Variants in PPP2R2B observed in about 807,000 individuals in gnomAD.
PPP2R2B encodes the protein protein phosphatase 2 regulatory subunit Bbeta.
In PPP2R2B, 5 loss-of-function variants were observed where a neutral mutation model predicts 46.0. The observed-to-expected ratio is 0.11, with a 90% CI of 0.06 to 0.23. PPP2R2B has a LOEUF of 0.23. PPP2R2B is among the 10% of genes least tolerant of loss of function. The probability of loss-of-function intolerance (pLI) is 1.00; values close to 1 mark genes in which losing one functional copy is unlikely to be tolerated. For synonymous variants in PPP2R2B, 215 were observed against 206.7 expected, an observed-to-expected ratio of 1.04 and a Z score of -0.34; for missense variants, 367 against 575.0, an observed-to-expected ratio of 0.64 and a Z score of 3.70.
chr5:147,011,231 T>C (rs1455808287), intron 1 of PPP2R2B, among the ~76,000 whole-genome samples: 2 of 152,086 alleles, frequency 1.3e-5, no homozygotes, highest in South Asian at 2.1e-4. Context: ...TCTCATCTAC[T>C]CCATGTCTTT....
chr5:146,642,720 C>G (rs1357579554), intron 6 of PPP2R2B, among the ~76,000 whole-genome samples: 3 of 152,170 alleles, frequency 2.0e-5, no homozygotes, highest in Non-Finnish European at 4.4e-5. Flanking sequence ...ATGATCAGCA[C>G]AATTTCCACA....
At chr5:146,754,476 C>T (rs1052385367) in intron 2 of PPP2R2B, among the ~76,000 whole-genome samples, 18 of 152,230 alleles carry the variant, frequency 1.2e-4, no homozygotes, top group Non-Finnish European at 2.4e-4. Flanking sequence ...GTGCACTATG[C>T]CATATGTAGT....
chr5:146,825,257 A>G (rs997413245), intron 2 of PPP2R2B, among the ~76,000 whole-genome samples: 2 of 152,164 alleles, frequency 1.3e-5, no homozygotes, highest in African/African-American at 4.8e-5. Context: ...CTGGGAAAGC[A>G]GCTGTTTCTC....
At chr5:147,019,256 G>A (rs1755147788) in intron 1 of PPP2R2B, among the ~76,000 whole-genome samples, 1 of 152,120 alleles carries the variant, frequency 6.6e-6, no homozygotes, top group Non-Finnish European at 1.5e-5. Context: ...GTTCAACAAA[G>A]TTACTCAAAA....
chr5:146,898,455 C>A (rs1371777429), intron 1 of PPP2R2B, among the ~76,000 whole-genome samples: 1 of 151,978 alleles, frequency 6.6e-6, no homozygotes, highest in Non-Finnish European at 1.5e-5. Flanking sequence ...CTTCCTTACA[C>A]CTTATACAAA....
At chr5:146,890,315 G>A (rs539458970) in intron 1 of PPP2R2B, among the ~76,000 whole-genome samples, 2 of 152,230 alleles carry the variant, frequency 1.3e-5, no homozygotes, top group South Asian at 4.1e-4. Context: ...GTCCTCCTGA[G>A]CCACGGCTGT....
At chr5:146,940,172 T>G (rs747425180) in intron 1 of PPP2R2B, among the ~76,000 whole-genome samples, 3 of 152,200 alleles carry the variant, frequency 2.0e-5, no homozygotes, top group African/African-American at 4.8e-5. Flanking sequence ...ATTTTCTTCT[T>G]TCTCTGGATA....
chr5:146,683,841 A>G (rs1778325560), intron 5 of PPP2R2B, among the ~76,000 whole-genome samples: 1 of 152,238 alleles, frequency 6.6e-6, no homozygotes, highest in Non-Finnish European at 1.5e-5. Context: ...ATCAATAATG[A>G]TAACAGAAAT....
chr5:146,878,222 G>C lies in PPP2R2B; in HGVS notation c.-124-27C>G. ...TGAGGAGGAGACGGGGAGGCGGAGA[G>C]AAAAAAAATAAAAACCCGGCAATGG... is the stretch of plus-strand genomic sequence containing the variant. On this transcript the variant is annotated intron_variant, in intron 1 of 9. Coordinates refer to ENST00000394411, the MANE Select transcript of PPP2R2B (RefSeq NM_181675.4). This position sits in a 1 kb window ranked among gnomAD's most constrained non-coding sequence, Gnocchi z 4.5. The C allele has an allele frequency of 6.5e-7, 1 of 1,534,604 alleles. No homozygotes were observed. The highest frequency in any genetic ancestry group is 8.8e-7 in the Non-Finnish European group (1 of 1,141,722).
chr5:146,984,059 A>G (rs1753310689), intron 1 of PPP2R2B, among the ~76,000 whole-genome samples: 1 of 152,218 alleles, frequency 6.6e-6, no homozygotes, highest in Non-Finnish European at 1.5e-5. Context: ...TAACATATCC[A>G]TCCCCTCAAA....
In PPP2R2B at chr5:146,589,682, A is replaced by G; in HGVS notation, c.*265T>C. The G allele has an allele frequency of 2.3e-6, 1 of 430,068 alleles. No homozygotes were observed. Among genetic ancestry groups the G allele is most frequent in the South Asian group, 3.5e-5 (1 of 28,528 alleles). 26.6% of individuals were successfully genotyped at this position (430,068 alleles called of 1,614,324 possible). On this transcript the variant is annotated 3_prime_UTR_variant, in exon 10 of 10. Coordinates refer to ENST00000394411, the MANE Select transcript of PPP2R2B (RefSeq NM_181675.4). ...CCAGAGAAAACTGGGCAATAAAAGCATCAGAAGTTCAAGTCAACTATGGAA... is the reference window on the plus strand; with the variant it reads ...CCAGAGAAAACTGGGCAATAAAAGCGTCAGAAGTTCAAGTCAACTATGGAA...
At chr5:146,977,607 T>C (rs1402600337) in intron 1 of PPP2R2B, among the ~76,000 whole-genome samples, 1 of 152,152 alleles carries the variant, frequency 6.6e-6, no homozygotes, top group African/African-American at 2.4e-5. Context: ...CTCCCACTTA[T>C]GAGTGAGAAC....
intron 5 of PPP2R2B, among the ~76,000 whole-genome samples, chr5:146,664,342 T>A (rs1343631717): frequency 6.6e-6 from 1 of 152,184 alleles, no homozygotes; most frequent in Non-Finnish European, 1.5e-5. Flanking sequence ...ATTGACGTGA[T>A]ATTCTAAATC....
At chr5:146,877,416 G>A (rs935801767) in intron 2 of PPP2R2B, among the ~76,000 whole-genome samples, 6 of 152,078 alleles carry the variant, frequency 3.9e-5, no homozygotes, top group Admixed American at 3.3e-4. Flanking sequence ...AGCCTCATTC[G>A]CTGCCCGCCA....
At chr5:146,804,125 C>G (rs930716790) in intron 2 of PPP2R2B, among the ~76,000 whole-genome samples, 4 of 151,796 alleles carry the variant, frequency 2.6e-5, no homozygotes, top group African/African-American at 9.7e-5. Flanking sequence ...AGAGATCATG[C>G]CACTGCACTC....
intron 1 of PPP2R2B, among the ~76,000 whole-genome samples, chr5:146,930,245 C>T (rs1763923304): frequency 6.6e-6 from 1 of 152,092 alleles, no homozygotes; most frequent in Non-Finnish European, 1.5e-5. Context: ...GCAAGGGTCT[C>T]TCTGGAGGGA....
intron 2 of PPP2R2B, among the ~76,000 whole-genome samples, chr5:146,873,214 A>C (rs1297766920): frequency 6.6e-6 from 1 of 152,190 alleles, no homozygotes; most frequent in African/African-American, 2.4e-5. Context: ...ATAGTAAGTA[A>C]GTGCAATGCA....
intron 2 of PPP2R2B, among the ~76,000 whole-genome samples, chr5:146,842,602 C>A (rs1182783853): frequency 6.6e-6 from 1 of 150,732 alleles, no homozygotes; most frequent in African/African-American, 2.4e-5. Context: ...AGGTATTAAG[C>A]TTGGTATCCA....
intron 2 of PPP2R2B, among the ~76,000 whole-genome samples, chr5:146,742,957 G>A (rs925433967): frequency 1.2e-4 from 19 of 152,134 alleles, no homozygotes; most frequent in Non-Finnish European, 2.5e-4. Flanking sequence ...GCTAGGAGAG[G>A]GGCCTGGAAC....
Sources: gnomAD v4.1 joint callset for allele counts (sites outside exome capture counted in the v4.1 genomes callset) on GRCh38, gnomAD v4.1.1 for gene constraint, Gnocchi (gnomAD v3.1) non-coding constraint, MANE v1.5 for transcripts, NCBI Gene and HGNC (gene_info 2026-07-23, HGNC 2026-07-21) for gene names.